LCLAT1: variants seen among roughly 807,000 people sequenced by gnomAD.
LCLAT1 encodes the protein 1-AGP acyltransferase 8.
A neutral mutation model predicts 30.7 loss-of-function variants in LCLAT1; 11 were observed. That is an observed-to-expected ratio of 0.36 (90% CI 0.23 to 0.59). The LOEUF (loss-of-function observed/expected upper bound fraction) is 0.59. LCLAT1 is among the 20% of genes least tolerant of loss of function. The pLI is 0.77. For synonymous variants in LCLAT1, 155 were observed against 151.3 expected (o/e 1.02, Z -0.18); for missense variants, 402 against 458.6 (o/e 0.88, Z 1.13).
intron 3 of LCLAT1, among the ~76,000 whole-genome samples, chr2:30,537,452 CAAAG>C (rs965161389): frequency 4.0e-5 from 6 of 149,962 alleles, no homozygotes; most frequent in Admixed American, 2.0e-4. Flanking sequence ...TAAAAAGTGA[CAAAG>C]AAGGCAATTA....
At chr2:30,486,416 G>A (rs1260328230) in intron 1 of LCLAT1, among the ~76,000 whole-genome samples, 1 of 152,144 alleles carries the variant, frequency 6.6e-6, no homozygotes, top group Admixed American at 6.5e-5. Context: ...TTGGGGATTG[G>A]TTTTAAGTTT....
chr2:30,572,682 C>A (rs1665834686), intron 5 of LCLAT1, among the ~76,000 whole-genome samples: 1 of 151,522 alleles, frequency 6.6e-6, no homozygotes, highest in Non-Finnish European at 1.5e-5. Context: ...TACAGTTTTT[C>A]AAATGCTAAA....
chr2:30,551,255 C>G (rs576077042), intron 3 of LCLAT1, among the ~76,000 whole-genome samples: 2 of 152,326 alleles, frequency 1.3e-5, no homozygotes, highest in South Asian at 2.1e-4. Flanking sequence ...CAACCTCCTG[C>G]CTTGGCTTCC....
intron 1 of LCLAT1, among the ~76,000 whole-genome samples, chr2:30,455,909 C>CA (rs3060184): frequency 0.024 from 1,463 of 60,992 alleles, 88 homozygotes; most frequent in East Asian, 0.072. Flanking sequence ...GACCCTATAT[C>CA]AAAAAAAAAA....
At chr2:30,633,672 G>A (rs145769064) in intron 5 of LCLAT1, among the ~76,000 whole-genome samples, 2,320 of 152,228 alleles carry the variant, frequency 0.015, 57 homozygotes, top group African/African-American at 0.052. Context: ...GGGACAGAGC[G>A]AGACTCCATC....
chr2:30,543,387 A>C (rs1446042789), intron 3 of LCLAT1, among the ~76,000 whole-genome samples: 1 of 152,094 alleles, frequency 6.6e-6, no homozygotes, highest in African/African-American at 2.4e-5. Flanking sequence ...ATCTGTGTTC[A>C]ATAAGGATTT....
intron 3 of LCLAT1, among the ~76,000 whole-genome samples, chr2:30,549,802 G>A (rs1396252887): frequency 6.6e-6 from 1 of 152,092 alleles, no homozygotes; most frequent in Non-Finnish European, 1.5e-5. Flanking sequence ...TATTATATAT[G>A]TCATTTAAAA....
chr2:30,497,612 A>T (rs371335129), intron 1 of LCLAT1, among the ~76,000 whole-genome samples: 1 of 152,290 alleles, frequency 6.6e-6, no homozygotes, highest in East Asian at 1.9e-4. Flanking sequence ...CTTTTGCTTA[A>T]GTTTAGTGAC....
At chr2:30,504,099 T>TGTG (rs56740785) in intron 1 of LCLAT1, among the ~76,000 whole-genome samples, 1 of 151,730 alleles carries the variant, frequency 6.6e-6, no homozygotes, top group Non-Finnish European at 1.5e-5. Context: ...TGTGTGTGTG[T>TGTG]TTATATATGT....
At chr2:30,461,699 T>C (rs1419491901) in intron 1 of LCLAT1, among the ~76,000 whole-genome samples, 1 of 152,140 alleles carries the variant, frequency 6.6e-6, no homozygotes, top group Non-Finnish European at 1.5e-5. Context: ...TTGGGCCAAC[T>C]ATCTTCCTTG....
intron 5 of LCLAT1, among the ~76,000 whole-genome samples, chr2:30,601,357 A>T (rs1165816911): frequency 6.6e-6 from 1 of 152,202 alleles, no homozygotes; most frequent in Non-Finnish European, 1.5e-5. Context: ...AAATTTGAAT[A>T]CTGTATGTTA....
chr2:30,518,742 G>C (rs1236481158), intron 1 of LCLAT1, among the ~76,000 whole-genome samples: 1 of 152,150 alleles, frequency 6.6e-6, no homozygotes, highest in Admixed American at 6.5e-5. Flanking sequence ...GGACCTTAAG[G>C]ATGCCTTTTT....
At chr2:30,636,909 G>C (rs1342949105) in intron 5 of LCLAT1, among the ~76,000 whole-genome samples, 1 of 152,184 alleles carries the variant, frequency 6.6e-6, no homozygotes, top group Admixed American at 6.5e-5. Context: ...GAGGTAGAAG[G>C]AGCTACATGG....
chr2:30,527,010 A>C (rs979763497), intron 2 of LCLAT1, among the ~76,000 whole-genome samples: 1 of 152,202 alleles, frequency 6.6e-6, no homozygotes, highest in Non-Finnish European at 1.5e-5. Flanking sequence ...GTTGCTGCTT[A>C]ACCACTATCA....
chr2:30,551,690 G>A (rs1338295728), intron 3 of LCLAT1, among the ~76,000 whole-genome samples: 1 of 152,168 alleles, frequency 6.6e-6, no homozygotes, highest in African/African-American at 2.4e-5. Context: ...CTGTTTCCTA[G>A]CCTTTTCTAG....
At chr2:30,557,960 T>C (rs1665007973) in intron 3 of LCLAT1, among the ~76,000 whole-genome samples, 1 of 152,208 alleles carries the variant, frequency 6.6e-6, no homozygotes, top group Non-Finnish European at 1.5e-5. Context: ...AAACAAACAA[T>C]TTTAACCTCT....
At chr2:30,562,804 G>A (rs1362456195) in intron 4 of LCLAT1, among the ~76,000 whole-genome samples, 1 of 151,932 alleles carries the variant, frequency 6.6e-6, no homozygotes, top group Non-Finnish European at 1.5e-5. Context: ...CTCTTCTAAG[G>A]TATTTATTTA....
rs1174358996 is a variant in LCLAT1 at position 30,525,774 on chromosome 2, G to A, written c.165+19G>A. 1 of 1,613,318 alleles carries A rather than the reference G, an allele frequency of 6.2e-7. No homozygotes were observed. Among genetic ancestry groups the A allele is most frequent in the Non-Finnish European group, 8.5e-7 (1 of 1,179,400 alleles). On this transcript the variant is annotated intron_variant, in intron 2 of 5. Transcript: ENST00000379509. ...ACCTGTGGTAAGTTACACACCAGAGGAGACTGTCTGCTTGTACTAGAGTGC... is the reference window on the plus strand; with the variant it reads ...ACCTGTGGTAAGTTACACACCAGAGAAGACTGTCTGCTTGTACTAGAGTGC...
chr2:30,637,841 G>A (rs1409063903), intron 5 of LCLAT1, among the ~76,000 whole-genome samples: 2 of 152,164 alleles, frequency 1.3e-5, no homozygotes, highest in African/African-American at 2.4e-5. Context: ...GCCTCCTAAA[G>A]TGCTGGGATT....
Sources: gnomAD v4.1 joint callset for allele counts (sites outside exome capture counted in the v4.1 genomes callset) on GRCh38, gnomAD v4.1.1 for gene constraint, MANE v1.5 for transcripts, NCBI Gene and HGNC (gene_info 2026-07-23, HGNC 2026-07-21) for gene names.